Variants in PIK3C2G observed in about 807,000 individuals in gnomAD.
The protein encoded by PIK3C2G is phosphatidylinositol-4-phosphate 3-kinase catalytic subunit type 2 gamma.
A neutral mutation model predicts 181.1 loss-of-function variants in PIK3C2G; 168 were observed. The ratio of observed to expected loss-of-function variants is 0.93; its 90% confidence interval spans 0.82 to 1.05. PIK3C2G has a LOEUF of 1.05. Among genes scored for constraint, PIK3C2G ranks in the 50% least tolerant of loss-of-function variants. The pLI, the probability that PIK3C2G is intolerant of heterozygous loss-of-function variation, is 0.00. For missense variants in PIK3C2G, 1,869 were observed against 1,732.8 expected, an observed-to-expected ratio of 1.08 and a Z score of -1.40; for synonymous variants, 573 against 592.2, an observed-to-expected ratio of 0.97 and a Z score of 0.47.
At chr12:18,247,675 C>T (rs549536040) in exon 1 of PIK3C2G, 3 of 152,118 alleles carry the variant, frequency 2.0e-5, no homozygotes, top group Non-Finnish European at 4.4e-5. Flanking sequence ...AATGGACTTT[C>T]CAGTTGATCA....
intron 32 of PIK3C2G, among the ~76,000 whole-genome samples, chr12:18,647,644 A>G (rs1275802198): frequency 2.0e-5 from 3 of 151,280 alleles, no homozygotes; most frequent in Non-Finnish European, 2.9e-5. Context: ...TCTTAGTGGA[A>G]TCAGTAAATT....
chr12:18,698,646 A>T, the PIK3C2G span, among the ~76,000 whole-genome samples: 2 of 151,920 alleles, frequency 1.3e-5, no homozygotes, highest in African/African-American at 4.8e-5. Context: ...TTAACTTTTA[A>T]TTTTTGTGGG....
At position 18,399,789 on chromosome 12, in the gene PIK3C2G, A is replaced by AT. The variant is rs766744496; in HGVS notation, c.2261dup (p.Leu754PhefsTer27). On this transcript the variant is annotated frameshift_variant, in exon 16 of 33. Transcript: ENST00000538779. LOFTEE classifies it high-confidence loss of function. Reference sequence around the variant, plus strand: ...AAGGACTGTTTCAGAAATGCATACCATTTTGAGAAGATGGACATTTTCTCA... The same window carrying AT: ...AAGGACTGTTTCAGAAATGCATACCATTTTTGAGAAGATGGACATTTTCTCA... 1.2e-6 allele frequency: 2 copies of AT among 1,606,044 alleles called. No individual in the cohort carries two copies. The highest frequency in any genetic ancestry group is 2.2e-5 in the South Asian group (2 of 90,156).
At chr12:18,554,379 C>T (rs747546632) in intron 26 of PIK3C2G, among the ~76,000 whole-genome samples, 19 of 152,012 alleles carry the variant, frequency 1.2e-4, no homozygotes, top group Non-Finnish European at 2.4e-4. Context: ...TGGCATACCA[C>T]GCTATCAAAG....
chr12:18,318,824 G>T (rs1950981904), intron 6 of PIK3C2G, among the ~76,000 whole-genome samples: 1 of 150,964 alleles, frequency 6.6e-6, no homozygotes, highest in South Asian at 2.1e-4. Context: ...GCCAGGAGCA[G>T]TGGCTTAGGC....
At chr12:18,643,888 G>A (rs1949976631) in intron 32 of PIK3C2G, among the ~76,000 whole-genome samples, 1 of 152,128 alleles carries the variant, frequency 6.6e-6, no homozygotes, top group South Asian at 2.1e-4. Context: ...GCCGTGTACT[G>A]TTCTTGAAGT....
the PIK3C2G span, among the ~76,000 whole-genome samples, chr12:18,657,708 G>A: frequency 2.0e-5 from 3 of 152,040 alleles, no homozygotes; most frequent in African/African-American, 4.8e-5. Flanking sequence ...AACCCCCAAG[G>A]AAGAAAGTGA....
the PIK3C2G span, among the ~76,000 whole-genome samples, chr12:18,675,029 A>G: frequency 1.4e-4 from 22 of 152,318 alleles, no homozygotes; most frequent in East Asian, 4.0e-3. Context: ...AGACGGCAAT[A>G]GTCTGTAACT....
At chr12:18,325,453 A>G (rs1451973606) in intron 8 of PIK3C2G, among the ~76,000 whole-genome samples, 1 of 152,150 alleles carries the variant, frequency 6.6e-6, no homozygotes, top group Middle Eastern at 3.2e-3. Context: ...GAACAACATG[A>G]ACAGAGGCAC....
chr12:18,688,919 G>A, the PIK3C2G span, among the ~76,000 whole-genome samples: 1 of 151,872 alleles, frequency 6.6e-6, no homozygotes, highest in Admixed American at 6.6e-5. Flanking sequence ...GTTACATAAG[G>A]AGAAACAAAT....
At chr12:18,560,929 A>C (rs898505647) in intron 26 of PIK3C2G, among the ~76,000 whole-genome samples, 1 of 152,188 alleles carries the variant, frequency 6.6e-6, no homozygotes, top group Non-Finnish European at 1.5e-5. Flanking sequence ...ACAATTTACT[A>C]TGTCATCAGA....
chr12:18,336,088 A>T (rs1938505408), intron 8 of PIK3C2G, among the ~76,000 whole-genome samples: 1 of 152,144 alleles, frequency 6.6e-6, no homozygotes, highest in South Asian at 2.1e-4. Flanking sequence ...ATCTCTGCAT[A>T]TACAGTGTTT....
At chr12:18,588,251 G>T (rs1012397940) in intron 29 of PIK3C2G, among the ~76,000 whole-genome samples, 6 of 152,054 alleles carry the variant, frequency 3.9e-5, no homozygotes, top group African/African-American at 1.4e-4. Context: ...ATTGAGAAAT[G>T]GGATCTAATT....
chr12:18,596,280 T>C (rs12818409), intron 30 of PIK3C2G, among the ~76,000 whole-genome samples: 32,859 of 151,936 alleles, frequency 0.22, 3,595 homozygotes, highest in African/African-American at 0.26. Context: ...GTCTCCGAAC[T>C]GCTAAAATTA....
intron 29 of PIK3C2G, among the ~76,000 whole-genome samples, chr12:18,571,942 T>G (rs1945965936): frequency 6.6e-6 from 1 of 150,822 alleles, no homozygotes; most frequent in South Asian, 2.1e-4. Context: ...TCCATTCTTT[T>G]TTTAAATTTA....
At chr12:18,571,240 A>G (rs938503937) in intron 29 of PIK3C2G, among the ~76,000 whole-genome samples, 6 of 150,796 alleles carry the variant, frequency 4.0e-5, no homozygotes, top group African/African-American at 1.5e-4. Flanking sequence ...TAGATTAAGT[A>G]TGTCAGAGAA....
At position 18,586,391 on chromosome 12, in the gene PIK3C2G, C is replaced by T. The variant is rs556321456; in HGVS notation, c.4012-8103C>T. On this transcript the variant is annotated intron_variant, in intron 29 of 32. Coordinates refer to ENST00000538779, the MANE Select transcript of PIK3C2G (RefSeq NM_001288772.2). ...ACACAATTAGAAATGACAAAGGGGACATTACCATTGACCTCACAAAAATAC... is the reference window on the plus strand; with the variant it reads ...ACACAATTAGAAATGACAAAGGGGATATTACCATTGACCTCACAAAAATAC... Among the ~76,000 whole-genome samples the T allele has an allele frequency of 5.9e-5, 9 of 152,044 alleles. No individual in the cohort carries two copies. The South Asian group carries it at 1.9e-3, about 32-fold the overall frequency.
chr12:18,651,505 G>A (rs1483098516), downstream of PIK3C2G, among the ~76,000 whole-genome samples: 1 of 152,136 alleles, frequency 6.6e-6, no homozygotes, highest in Non-Finnish European at 1.5e-5. Context: ...CTATCAGGAA[G>A]TTTAGTTCAC....
chr12:18,726,490 C>T, the PIK3C2G span, among the ~76,000 whole-genome samples: 6 of 152,124 alleles, frequency 3.9e-5, no homozygotes, highest in Non-Finnish European at 8.8e-5. Flanking sequence ...CCAATGCCTA[C>T]TACTGGACCT....
Sources: allele counts gnomAD v4.1 joint callset (sites outside exome capture counted in the v4.1 genomes callset), GRCh38; gene constraint gnomAD v4.1.1; transcripts MANE v1.5; gene names NCBI Gene and HGNC (gene_info 2026-07-23, HGNC 2026-07-21).